Variants in GMPR observed in about 807,000 individuals in gnomAD.
The protein encoded by GMPR is guanosine monophosphate reductase, also known as GMP reductase 1.
In GMPR, 31 loss-of-function variants were observed where a neutral mutation model predicts 38.4. The observed-to-expected ratio is 0.81, with a 90% CI of 0.61 to 1.09. The LOEUF is 1.09. Among genes scored for constraint, GMPR ranks in the 50% least tolerant of loss-of-function variants. The pLI is 0.00. For synonymous variants in GMPR, 162 were observed against 173.3 expected (o/e 0.93, Z 0.51); for missense variants, 468 against 453.7 (o/e 1.03, Z -0.29).
intron 7 of GMPR, among the ~76,000 whole-genome samples, chr6:16,286,761 C>T (rs750837990): frequency 1.4e-4 from 21 of 151,662 alleles, no homozygotes; most frequent in Non-Finnish European, 2.2e-4. Context: ...AAAAAAATAC[C>T]GGGGTGTGGT....
intron 4 of GMPR, among the ~76,000 whole-genome samples, chr6:16,261,551 G>A (rs181704045): frequency 6.6e-6 from 1 of 152,104 alleles, no homozygotes; most frequent in African/African-American, 2.4e-5. Flanking sequence ...GCACCATGGG[G>A]TGGATAGGCA....
At chr6:16,271,213 C>G (rs981287622) in intron 4 of GMPR, among the ~76,000 whole-genome samples, 1 of 147,760 alleles carries the variant, frequency 6.8e-6, no homozygotes, top group Non-Finnish European at 1.5e-5. Context: ...TGGCCGGGCG[C>G]AGTGGCTCAT....
At chr6:16,244,239 TCTCA>T (rs1758713951) in intron 1 of GMPR, among the ~76,000 whole-genome samples, 1 of 147,174 alleles carries the variant, frequency 6.8e-6, no homozygotes, top group Non-Finnish European at 1.5e-5. Flanking sequence ...TGAGACAAGG[TCTCA>T]CTCTTGTCAC....
chr6:16,248,874 T>C (rs1758810204), intron 2 of GMPR, among the ~76,000 whole-genome samples: 1 of 152,234 alleles, frequency 6.6e-6, no homozygotes, highest in South Asian at 2.1e-4. Flanking sequence ...GGACTCGCTG[T>C]GCTCTTCCCA....
chr6:16,250,495 A>T, intron 3 of GMPR, 128 bp downstream of exon 3: 1 of 668,022 alleles, frequency 1.5e-6, no homozygotes, highest in Non-Finnish European at 2.7e-6. Flanking sequence ...GCCCTGTGCC[A>T]TTGCCAGGGA....
At chr6:16,288,667 G>A (rs1020418842) in intron 7 of GMPR, among the ~76,000 whole-genome samples, 2 of 152,362 alleles carry the variant, frequency 1.3e-5, no homozygotes, top group Non-Finnish European at 2.9e-5. Flanking sequence ...CTGGTGGGCA[G>A]CTCCATCTGC....
At chr6:16,279,935 G>A (rs532666532) in intron 6 of GMPR, among the ~76,000 whole-genome samples, 1 of 152,244 alleles carries the variant, frequency 6.6e-6, no homozygotes, top group Non-Finnish European at 1.5e-5. Context: ...ATTCAGGAGG[G>A]GGAGGTGACT....
intron 1 of GMPR, among the ~76,000 whole-genome samples, chr6:16,240,558 C>T (rs1208042070): frequency 1.3e-5 from 2 of 152,194 alleles, no homozygotes; most frequent in African/African-American, 4.8e-5. Flanking sequence ...ATGGCTTGAG[C>T]CCAGGAGCTG....
At chr6:16,252,622 T>C (rs9396658) in intron 3 of GMPR, among the ~76,000 whole-genome samples, 50,639 of 152,096 alleles carry the variant, frequency 0.33, 9,128 homozygotes, top group East Asian at 0.7. Context: ...ATACATCGAC[T>C]TACTACACAG....
At chr6:16,240,103 G>A (rs1758618525) in intron 1 of GMPR, among the ~76,000 whole-genome samples, 1 of 152,134 alleles carries the variant, frequency 6.6e-6, no homozygotes, top group Non-Finnish European at 1.5e-5. Flanking sequence ...CTAATAATTT[G>A]GTGGCCTCAA....
At chr6:16,247,135 A>C (rs1233091993) in intron 2 of GMPR, among the ~76,000 whole-genome samples, 174 bp downstream of exon 2, 1 of 152,170 alleles carries the variant, frequency 6.6e-6, no homozygotes, top group African/African-American at 2.4e-5. Flanking sequence ...CTTTGGGTTC[A>C]ATGAGAAGGT....
At chr6:16,282,574 G>T (rs985521000) in intron 6 of GMPR, among the ~76,000 whole-genome samples, 1 of 151,998 alleles carries the variant, frequency 6.6e-6, no homozygotes, top group Admixed American at 6.6e-5. Context: ...TCTTTCCACC[G>T]TCCCCGCCGT....
Position 16,290,606 on chromosome 6 carries a change from G to T in GMPR, c.842G>T (p.Gly281Val), listed in dbSNP as rs371734266. The stretch of plus-strand genomic sequence containing the variant: ...ACCGCCATGAACAAGCACGCAGGAG[G>T]AGTTGCTGAGTACAGGTGAGGAGGT... ...SDTAMNKHAG[G>V]VAEYRASEGK... is the part of the protein sequence containing the mutation. Residue 281 changes from glycine to valine, a missense_variant, in exon 8 of 9, where the codon GGA becomes GTA. By Grantham distance (109) the Gly-to-Val change is moderately radical (BLOSUM62 -3). Transcript: ENST00000259727. 19 of 1,614,044 alleles carry T rather than the reference G, an allele frequency of 1.2e-5. No homozygotes were observed. The highest frequency in any genetic ancestry group is 1.6e-5 in the Non-Finnish European group (19 of 1,180,030).
Position 16,238,618 on chromosome 6 carries a change from C to A in GMPR, c.-76C>A. 1 of 443,892 alleles carries A rather than the reference C, an allele frequency of 2.3e-6. No homozygotes were observed. The highest frequency in any genetic ancestry group is 3.1e-6 in the Non-Finnish European group (1 of 322,388). The allele number at this position is 443,892 out of a possible 1,614,324, so 27.5% of individuals were successfully genotyped here. A position where few individuals can be genotyped will look rare whatever the true frequency, so the allele number is the denominator to read the frequency against. Reference sequence around the variant, plus strand: ...GCTCCCGGCCGCGGCACAGCAGCCCCGGCGCTCCCCGCGCCGCCCCGCGCA... The same window carrying A: ...GCTCCCGGCCGCGGCACAGCAGCCCAGGCGCTCCCCGCGCCGCCCCGCGCA... On this transcript the variant is annotated 5_prime_UTR_variant, in exon 1 of 9. Transcript: ENST00000259727.
intron 2 of GMPR, among the ~76,000 whole-genome samples, chr6:16,249,690 ATT>A (rs967579021): frequency 6.6e-6 from 1 of 152,246 alleles, no homozygotes; most frequent in African/African-American, 2.4e-5. Flanking sequence ...TGTTCCAAAA[ATT>A]AAATGAAACG....
At chr6:16,288,706 C>T (rs1007463479) in intron 7 of GMPR, among the ~76,000 whole-genome samples, 7 of 152,192 alleles carry the variant, frequency 4.6e-5, no homozygotes, top group African/African-American at 7.2e-5. Flanking sequence ...CTGGATGAAG[C>T]CAGCTGGGCT....
intron 7 of GMPR, 181 bp from the exon 8 acceptor site, chr6:16,290,281 C>T (rs1759812805): frequency 1.5e-6 from 1 of 662,110 alleles, no homozygotes; most frequent in East Asian, 2.5e-5. Flanking sequence ...GCCCTTTCTC[C>T]CTGCATGGAA....
intron 4 of GMPR, among the ~76,000 whole-genome samples, chr6:16,266,907 C>G (rs542475814): frequency 3.3e-5 from 5 of 151,832 alleles, no homozygotes; most frequent in Non-Finnish European, 7.4e-5. Context: ...GACGTGCCAC[C>G]TTTAAGAGCT....
Position 16,265,429 on chromosome 6 carries a change from TC to T in GMPR, c.466-8981del, listed in dbSNP as rs560479834. Among the ~76,000 whole-genome samples, 477 of 152,278 alleles carry T rather than the reference TC, an allele frequency of 3.1e-3. 2 individuals carry two copies. Among genetic ancestry groups the T allele is most frequent in the African/African-American group, 0.011 (443 of 41,556 alleles). ...CTGAGCCTGCAAATTTTTGCTGTTG[TC>T]CCCCACATGCCACCAGTTCAGGCTT... is the stretch of plus-strand genomic sequence containing the variant. On this transcript the variant is annotated intron_variant, in intron 4 of 8. Coordinates refer to ENST00000259727, the MANE Select transcript of GMPR (RefSeq NM_006877.4).
Sources: allele counts gnomAD v4.1 joint callset (sites outside exome capture counted in the v4.1 genomes callset), GRCh38; gene constraint gnomAD v4.1.1; transcripts MANE v1.5; gene names NCBI Gene and HGNC (gene_info 2026-07-23, HGNC 2026-07-21).